Variants in IQGAP2 observed in about 807,000 individuals in gnomAD.
The protein encoded by IQGAP2 is IQ motif containing GTPase activating protein 2.
Under a neutral mutation model 201.3 loss-of-function variants are expected in IQGAP2, and 173 were observed. That is an observed-to-expected ratio of 0.86 (90% CI 0.76 to 0.98). The LOEUF (loss-of-function observed/expected upper bound fraction) is 0.98, where lower values mean the gene tolerates loss of function less well. Ranked by LOEUF, IQGAP2 falls within the 50% of genes least tolerant of loss-of-function variation. IQGAP2 has a pLI of 0.00. For synonymous variants in IQGAP2, 675 were observed against 673.9 expected (o/e 1.00, Z -0.03); for missense variants, 1,687 against 1,864.8 (o/e 0.90, Z 1.76).
At chr5:76,618,943 A>G (rs1470192486) in intron 13 of IQGAP2, among the ~76,000 whole-genome samples, 1 of 152,236 alleles carries the variant, frequency 6.6e-6, no homozygotes, top group Non-Finnish European at 1.5e-5. Context: ...ACTACAAACT[A>G]TACAGGCATT....
chr5:76,439,704 C>T (rs1041129428), intron 1 of IQGAP2, among the ~76,000 whole-genome samples: 1 of 151,904 alleles, frequency 6.6e-6, no homozygotes, highest in African/African-American at 2.4e-5. Flanking sequence ...GCGTGGAATA[C>T]CTTTTTCACT....
intron 7 of IQGAP2, among the ~76,000 whole-genome samples, chr5:76,590,048 T>G (rs773148124): frequency 5.9e-5 from 9 of 152,204 alleles, no homozygotes; most frequent in Non-Finnish European, 1.0e-4. Flanking sequence ...GCAAGCTAAA[T>G]TGCAAGTATT....
intron 2 of IQGAP2, 121 bp from the exon 3 acceptor site, chr5:76,562,274 GA>G (rs1744429256): frequency 1.5e-6 from 1 of 688,716 alleles, no homozygotes; most frequent in Non-Finnish European, 2.4e-6. Flanking sequence ...CAGTGACACC[GA>G]AAGATGTTTC....
intron 2 of IQGAP2, among the ~76,000 whole-genome samples, chr5:76,527,432 C>T (rs1033078457): frequency 3.2e-4 from 49 of 152,180 alleles, no homozygotes; most frequent in Admixed American, 3.2e-3. Flanking sequence ...CAGTGCCCCC[C>T]ATAGACCTCT....
chr5:76,437,589 A>G (rs1421343233), intron 1 of IQGAP2, among the ~76,000 whole-genome samples: 4 of 151,902 alleles, frequency 2.6e-5, no homozygotes, highest in African/African-American at 9.7e-5. Flanking sequence ...ATGTGGTTTC[A>G]TTGTTCAGCT....
In IQGAP2 at chr5:76,631,848, C is replaced by A; in HGVS notation, c.1613-11C>A. 1.3e-6 allele frequency: 2 copies of A among 1,529,896 alleles called. No homozygotes were observed. The highest frequency in any genetic ancestry group is 2.1e-5 in the Admixed American group (1 of 47,536). 94.8% of individuals were successfully genotyped at this position (1,529,896 alleles called of 1,614,324 possible). On this transcript the variant is annotated splice_polypyrimidine_tract_variant and intron_variant, in intron 14 of 35. Coordinates refer to ENST00000274364, the MANE Select transcript of IQGAP2 (RefSeq NM_006633.5). ...AACCATTAACAAGAAACTTTTTTTTCAATTACCCAGGGGTTACTCTGGTGG... is the reference window on the plus strand; with the variant it reads ...AACCATTAACAAGAAACTTTTTTTTAAATTACCCAGGGGTTACTCTGGTGG...
intron 2 of IQGAP2, among the ~76,000 whole-genome samples, chr5:76,473,395 AAGT>A (rs1755230687): frequency 6.6e-6 from 1 of 151,574 alleles, no homozygotes; most frequent in Non-Finnish European, 1.5e-5. Flanking sequence ...GTACTATTAT[AAGT>A]AGTTTGTTCT....
intron 30 of IQGAP2, among the ~76,000 whole-genome samples, chr5:76,685,557 C>T (rs998665905): frequency 6.6e-6 from 1 of 152,096 alleles, no homozygotes; most frequent in Non-Finnish European, 1.5e-5. Context: ...TCTGCAAATT[C>T]TAGGAAATCA....
At chr5:76,658,131 A>T (rs1310910963) in intron 20 of IQGAP2, among the ~76,000 whole-genome samples, 1 of 152,178 alleles carries the variant, frequency 6.6e-6, no homozygotes, top group Non-Finnish European at 1.5e-5. Flanking sequence ...TTTCTTTCCC[A>T]GGTTCCTGAG....
intron 2 of IQGAP2, among the ~76,000 whole-genome samples, chr5:76,492,525 T>C (rs542550324): frequency 6.6e-6 from 1 of 152,306 alleles, no homozygotes; most frequent in East Asian, 1.9e-4. Flanking sequence ...AGCAGAGATT[T>C]CCTGTTCTGG....
At chr5:76,679,301 G>A (rs1031130461) in intron 28 of IQGAP2, among the ~76,000 whole-genome samples, 2 of 152,190 alleles carry the variant, frequency 1.3e-5, no homozygotes, top group Non-Finnish European at 2.9e-5. Flanking sequence ...CTGTTCTTTT[G>A]TTAACAAAAA....
At chr5:76,679,624 T>G (rs1308208690) in intron 28 of IQGAP2, among the ~76,000 whole-genome samples, 1 of 152,164 alleles carries the variant, frequency 6.6e-6, no homozygotes, top group Non-Finnish European at 1.5e-5. Flanking sequence ...GCCACCTAAA[T>G]AATCATTTCC....
chr5:76,543,437 C>G (rs937574923), intron 2 of IQGAP2, among the ~76,000 whole-genome samples: 1 of 152,188 alleles, frequency 6.6e-6, no homozygotes, highest in Non-Finnish European at 1.5e-5. Flanking sequence ...GCCTCAGAGC[C>G]TAGGTGGACC....
At chr5:76,699,336 A>G (rs1367339173) in intron 33 of IQGAP2, 1 of 152,200 alleles carries the variant, frequency 6.6e-6, no homozygotes, top group East Asian at 1.9e-4. Context: ...CTGTGTGTAT[A>G]TATACCACAT....
chr5:76,517,927 G>A (rs1243840531), intron 2 of IQGAP2, among the ~76,000 whole-genome samples: 2 of 152,066 alleles, frequency 1.3e-5, no homozygotes, highest in African/African-American at 4.8e-5. Context: ...ACCTGAGACT[G>A]GGCAATTTAC....
At position 76,578,607 on chromosome 5, in the gene IQGAP2, C is replaced by T. The variant is rs150060317; in HGVS notation, c.458+2838C>T. Among the ~76,000 whole-genome samples, 58 of 152,248 alleles carry T rather than the reference C, an allele frequency of 3.8e-4. No individual in the cohort carries two copies. The East Asian group carries it at 0.01, about 27-fold the overall frequency. On this transcript the variant is annotated intron_variant, in intron 5 of 35. Transcript: ENST00000274364. ...GATTACAGGCATCAGCCACCACGCC[C>T]GGCCACATCATTCTTTTTCTAAAGA...
intron 3 of IQGAP2, 63 bp from the exon 4 acceptor site, chr5:76,570,517 T>C: frequency 9.1e-7 from 1 of 1,101,230 alleles, no homozygotes; most frequent in Non-Finnish European, 1.4e-6. Context: ...AAAAAGTTAT[T>C]GCAAATGACT....
intron 14 of IQGAP2, among the ~76,000 whole-genome samples, chr5:76,629,952 AT>A (rs1336001166): frequency 2.0e-5 from 3 of 152,222 alleles, no homozygotes; most frequent in Non-Finnish European, 4.4e-5. Flanking sequence ...AAAAAAAGCA[AT>A]CAAAATAGAT....
chr5:76,409,663 T>A (rs756749811), intron 1 of IQGAP2, among the ~76,000 whole-genome samples: 3 of 152,162 alleles, frequency 2.0e-5, no homozygotes, highest in African/African-American at 4.8e-5. Flanking sequence ...CATAATAATA[T>A]AGTGATGTGC....
Sources: gnomAD v4.1 joint callset for allele counts (sites outside exome capture counted in the v4.1 genomes callset) on GRCh38, gnomAD v4.1.1 for gene constraint, MANE v1.5 for transcripts, NCBI Gene and HGNC (gene_info 2026-07-23, HGNC 2026-07-21) for gene names.